The following PTPRQ variants were observed in gnomAD, a reference collection of about 807,000 sequenced individuals.
PTPRQ encodes the protein phosphatidylinositol phosphatase PTPRQ.
PTPRQ carries 199 observed loss-of-function variants against 246.0 expected under a neutral mutation model. The observed-to-expected ratio is 0.81, with a 90% confidence interval of 0.72 to 0.91. The LOEUF (loss-of-function observed/expected upper bound fraction) is 0.91. Ranked by LOEUF, PTPRQ falls within the 40% of genes least tolerant of loss-of-function variation. PTPRQ has a pLI of 0.00. For missense variants in PTPRQ, 2,624 were observed against 2,528.4 expected (o/e 1.04, Z -0.81); for synonymous variants, 869 against 853.2 (o/e 1.02, Z -0.32).
At chr12:80,486,714 G>T (rs1342633637) in intron 9 of PTPRQ, among the ~76,000 whole-genome samples, 1 of 151,930 alleles carries the variant, frequency 6.6e-6, no homozygotes, top group East Asian at 1.9e-4. Flanking sequence ...CATTTCTATT[G>T]ATCTTCTGAA....
chr12:80,613,928 C>A, intron 29 of PTPRQ, 92 bp downstream of exon 29: 1 of 1,328,342 alleles, frequency 7.5e-7, no homozygotes, highest in Non-Finnish European at 9.7e-7. Context: ...GTACACATGA[C>A]ATTTCCCATA....
intron 26 of PTPRQ, among the ~76,000 whole-genome samples, chr12:80,602,578 C>A (rs989828423): frequency 6.6e-6 from 1 of 151,748 alleles, no homozygotes; most frequent in Non-Finnish European, 1.5e-5. Flanking sequence ...AGCAGAAGAG[C>A]AAGCTATCCA....
At chr12:80,601,139 A>T (rs1342551851) in intron 26 of PTPRQ, among the ~76,000 whole-genome samples, 1 of 151,878 alleles carries the variant, frequency 6.6e-6, no homozygotes, top group Admixed American at 6.6e-5. Context: ...CTTCATGCCC[A>T]TGACCTTGTC....
intron 34 of PTPRQ, 77 bp downstream of exon 34, chr12:80,632,368 GC>G: frequency 4.0e-6 from 6 of 1,512,236 alleles, no homozygotes; most frequent in Non-Finnish European, 5.3e-6. Flanking sequence ...GGAGACAGAA[GC>G]CACAACAGTT....
intron 39 of PTPRQ, among the ~76,000 whole-genome samples, chr12:80,662,126 C>T (rs1472582102): frequency 1.3e-5 from 2 of 151,784 alleles, no homozygotes; most frequent in Non-Finnish European, 2.9e-5. Flanking sequence ...AGAAAGTATG[C>T]AGATAATTAG....
intron 14 of PTPRQ, among the ~76,000 whole-genome samples, chr12:80,502,386 C>G (rs1894828196): frequency 6.6e-6 from 1 of 151,824 alleles, no homozygotes; most frequent in Non-Finnish European, 1.5e-5. Flanking sequence ...TTAACTAAAA[C>G]AAAAACATTA....
chr12:80,470,500 A>G (rs1893589270), intron 7 of PTPRQ, among the ~76,000 whole-genome samples: 1 of 152,180 alleles, frequency 6.6e-6, no homozygotes, highest in Non-Finnish European at 1.5e-5. Context: ...AGAAGAGTAG[A>G]GTGATTGGAC....
At chr12:80,644,866 A>G (rs1900012668) in intron 35 of PTPRQ, among the ~76,000 whole-genome samples, 1 of 152,118 alleles carries the variant, frequency 6.6e-6, no homozygotes. Flanking sequence ...AATGATAAGT[A>G]TACTACAGAC....
chr12:80,568,738 C>T lies in PTPRQ; in HGVS notation c.4285+19004C>T, dbSNP rs146889090. On this transcript the variant is annotated intron_variant, in intron 25 of 44. Coordinates refer to ENST00000644991, the MANE Select transcript of PTPRQ (RefSeq NM_001145026.2). ...GTGAGACAAGGAGGCAACATAACTACACAATTTTCTCCCTGTGCATAAACT... is the reference window on the plus strand; with the variant it reads ...GTGAGACAAGGAGGCAACATAACTATACAATTTTCTCCCTGTGCATAAACT... Among the ~76,000 whole-genome samples, 245 of 152,304 alleles carry T rather than the reference C, an allele frequency of 1.6e-3. 3 individuals are homozygous for T. The highest frequency in any genetic ancestry group is 5.7e-3 in the African/African-American group (238 of 41,562).
At position 80,648,933 on chromosome 12, in the gene PTPRQ, T is replaced by G; in HGVS notation, c.5942+10T>G. The G allele has an allele frequency of 6.6e-7, 1 of 1,504,200 alleles. No homozygotes were observed. The highest frequency in any genetic ancestry group is 1.3e-5 in the South Asian group (1 of 74,890). The allele number at this position is 1,504,200 out of a possible 1,614,324, so 93.2% of individuals were successfully genotyped here. A position where few individuals can be genotyped will look rare whatever the true frequency, so the allele number is the denominator to read the frequency against. ...ATAGAAAATCCATCAAGTAAGTTTG[T>G]TAAATATTTTCTTTCTTCTTTTTGA... On this transcript the variant is annotated intron_variant, in intron 36 of 44. Coordinates refer to ENST00000644991, the MANE Select transcript of PTPRQ (RefSeq NM_001145026.2).
chr12:80,591,120 CTTTTTTT>C lies in PTPRQ; in HGVS notation c.4609+2685_4609+2691del, dbSNP rs757029945. 2.1e-4 allele frequency among the ~76,000 whole-genome samples: 16 copies of C among 77,388 alleles called. No homozygotes were observed. In the South Asian group the frequency reaches 2.1e-3, roughly 10 times the overall value. 50.8% of individuals were successfully genotyped at this position (77,388 alleles called of 152,430 possible). A position where few individuals can be genotyped will look rare whatever the true frequency, so the allele number is the denominator to read the frequency against. ...TGTTTAGGATCTGCCTTGATCATTG[CTTTTTTT>C]TTTTTTTTTTTTTTTTGCGACAGGA... On this transcript the variant is annotated intron_variant, in intron 26 of 44. Transcript: ENST00000644991.
chr12:80,546,778 A>G, intron 24 of PTPRQ, 81 bp downstream of exon 24: 1 of 1,473,980 alleles, frequency 6.8e-7, no homozygotes, highest in Non-Finnish European at 9.1e-7. Flanking sequence ...TATATGATAA[A>G]GTATCATTAC....
At chr12:80,641,049 G>C (rs1045872872) in intron 35 of PTPRQ, among the ~76,000 whole-genome samples, 1 of 152,130 alleles carries the variant, frequency 6.6e-6, no homozygotes, top group Non-Finnish European at 1.5e-5. Context: ...AACCTGTAAG[G>C]ACCAAGACAA....
chr12:80,583,816 CT>C (rs1897523806), intron 25 of PTPRQ: 1 of 152,184 alleles, frequency 6.6e-6, no homozygotes, highest in African/African-American at 2.4e-5. Flanking sequence ...TCTTGTGTAA[CT>C]CAGGGTCCTC....
chr12:80,585,617 A>T (rs1897587156), intron 25 of PTPRQ, among the ~76,000 whole-genome samples: 1 of 152,012 alleles, frequency 6.6e-6, no homozygotes, highest in African/African-American at 2.4e-5. Context: ...TTATTCTCCA[A>T]ATATACCAGG....
intron 3 of PTPRQ, chr12:80,454,570 C>G (rs918386388): frequency 8.5e-6 from 6 of 702,240 alleles, no homozygotes; most frequent in Non-Finnish European, 1.3e-5. Flanking sequence ...ATCCTTTAAA[C>G]TTTTCTCCGT....
intron 35 of PTPRQ, among the ~76,000 whole-genome samples, chr12:80,637,834 T>C (rs1375041021): frequency 6.6e-6 from 1 of 152,206 alleles, no homozygotes; most frequent in Non-Finnish European, 1.5e-5. Flanking sequence ...CTAAATCCGT[T>C]CAAAGTCAAT....
At chr12:80,479,468 C>T (rs1258976458) in intron 8 of PTPRQ, among the ~76,000 whole-genome samples, 1 of 150,570 alleles carries the variant, frequency 6.6e-6, no homozygotes, top group Non-Finnish European at 1.5e-5. Context: ...ACTGCATCAA[C>T]TAATGAGCAA....
chr12:80,543,347 T>TC (rs11451549), intron 23 of PTPRQ, among the ~76,000 whole-genome samples: 72 of 151,812 alleles, frequency 4.7e-4, no homozygotes, highest in African/African-American at 1.6e-3. Context: ...ATTTTTTTTT[T>TC]ATTTTCAAGA....
Sources: gnomAD v4.1 joint callset for allele counts (sites outside exome capture counted in the v4.1 genomes callset) on GRCh38, gnomAD v4.1.1 for gene constraint, MANE v1.5 for transcripts, NCBI Gene and HGNC (gene_info 2026-07-23, HGNC 2026-07-21) for gene names.